GRM1: variants seen among roughly 807,000 people sequenced by gnomAD.
The protein encoded by GRM1 is glutamate metabotropic receptor 1, also known as metabotropic glutamate receptor 1.
A neutral mutation model predicts 90.9 loss-of-function variants in GRM1; 33 were observed. That is an observed-to-expected ratio of 0.36 (90% CI 0.28 to 0.49). The LOEUF is 0.49. GRM1 is among the 20% of genes least tolerant of loss of function. The pLI, the probability that GRM1 is intolerant of heterozygous loss-of-function variation, is 0.99. For missense variants in GRM1, 1,190 were observed against 1,534.3 expected, an observed-to-expected ratio of 0.78 and a Z score of 3.75; for synonymous variants, 700 against 613.2, an observed-to-expected ratio of 1.14 and a Z score of -2.09.
At chr6:146,125,466 C>T (rs1776162502) in intron 1 of GRM1, among the ~76,000 whole-genome samples, 1 of 150,862 alleles carries the variant, frequency 6.6e-6, no homozygotes. Context: ...TTTCTCTGCC[C>T]CCCCCTCAAC....
chr6:146,385,418 A>AAT (rs529886385), intron 5 of GRM1, among the ~76,000 whole-genome samples: 7 of 151,990 alleles, frequency 4.6e-5, no homozygotes, highest in Non-Finnish European at 4.4e-5. Flanking sequence ...GCTGAAATAG[A>AAT]ATATATATAT....
intron 1 of GRM1, among the ~76,000 whole-genome samples, chr6:146,060,297 T>C (rs572204870): frequency 2.0e-4 from 31 of 152,138 alleles, no homozygotes; most frequent in African/African-American, 5.8e-4. Context: ...GTTTATTATA[T>C]AGGTAAATGG....
intron 1 of GRM1, among the ~76,000 whole-genome samples, chr6:146,123,828 C>T (rs1776096342): frequency 1.3e-5 from 2 of 152,156 alleles, no homozygotes; most frequent in African/African-American, 4.8e-5. Flanking sequence ...GCATCCTTCC[C>T]AGGTTTCTAG....
chr6:146,084,423 T>G (rs1252938659), intron 1 of GRM1, among the ~76,000 whole-genome samples: 1 of 152,152 alleles, frequency 6.6e-6, no homozygotes, highest in African/African-American at 2.4e-5. Flanking sequence ...TCCCAGAGAT[T>G]CTGGTATGTT....
intron 2 of GRM1, among the ~76,000 whole-genome samples, chr6:146,165,868 A>G (rs1777886167): frequency 6.6e-6 from 1 of 152,112 alleles, no homozygotes; most frequent in South Asian, 2.1e-4. Context: ...AGGTTGATTT[A>G]CCTTAAAGTT....
intron 7 of GRM1, among the ~76,000 whole-genome samples, chr6:146,412,690 A>T (rs1251983992): frequency 6.6e-6 from 1 of 152,160 alleles, no homozygotes; most frequent in Non-Finnish European, 1.5e-5. Flanking sequence ...TCTATATTTC[A>T]TTTCTCCCAC....
chr6:146,108,994 C>T (rs1414814713), intron 1 of GRM1, among the ~76,000 whole-genome samples: 1 of 152,094 alleles, frequency 6.6e-6, no homozygotes, highest in Non-Finnish European at 1.5e-5. Context: ...CAAGAGGTGA[C>T]TTGGGTGCTG....
intron 1 of GRM1, among the ~76,000 whole-genome samples, chr6:146,040,510 T>C (rs1356939612): frequency 1.3e-5 from 2 of 152,010 alleles, no homozygotes; most frequent in Admixed American, 6.6e-5. Flanking sequence ...ATCTCTTTTT[T>C]ATGTTTGAAA....
chr6:146,102,093 G>T (rs971774897), intron 1 of GRM1, among the ~76,000 whole-genome samples: 2 of 152,088 alleles, frequency 1.3e-5, no homozygotes, highest in African/African-American at 4.8e-5. Context: ...TAAATCCACA[G>T]ATCTCGCTCG....
chr6:146,396,533 A>T (rs1166714382), intron 6 of GRM1, among the ~76,000 whole-genome samples: 1 of 152,206 alleles, frequency 6.6e-6, no homozygotes, highest in Non-Finnish European at 1.5e-5. Context: ...TTAGGCTTAC[A>T]TGTTCCTCTA....
At chr6:146,245,380 T>C (rs1376430398) in intron 2 of GRM1, among the ~76,000 whole-genome samples, 1 of 152,188 alleles carries the variant, frequency 6.6e-6, no homozygotes, top group East Asian at 1.9e-4. Flanking sequence ...ACATTAGGCA[T>C]GAAATTGATG....
intron 2 of GRM1, among the ~76,000 whole-genome samples, chr6:146,176,177 C>A (rs1466297488): frequency 6.6e-6 from 1 of 151,960 alleles, no homozygotes; most frequent in East Asian, 1.9e-4. Flanking sequence ...ACAATGAATT[C>A]TCAGTAAATG....
At chr6:146,401,578 A>T (rs562642576) in intron 7 of GRM1, among the ~76,000 whole-genome samples, 67 of 152,206 alleles carry the variant, frequency 4.4e-4, no homozygotes, top group African/African-American at 1.6e-3. Flanking sequence ...ACTTTATTGC[A>T]ACACCTATGG....
chr6:146,315,383 C>T (rs1783931522), intron 3 of GRM1, among the ~76,000 whole-genome samples: 1 of 151,976 alleles, frequency 6.6e-6, no homozygotes, highest in South Asian at 2.1e-4. Context: ...TGAGAATCTG[C>T]CTCTTAAAAA....
chr6:146,327,738 G>A (rs1160579782), intron 3 of GRM1, among the ~76,000 whole-genome samples: 4 of 152,064 alleles, frequency 2.6e-5, no homozygotes, highest in African/African-American at 7.2e-5. Flanking sequence ...CTCTTCTCCA[G>A]GCTTCCGGAA....
chr6:146,188,132 A>T (rs1778801556), intron 2 of GRM1, among the ~76,000 whole-genome samples: 1 of 152,164 alleles, frequency 6.6e-6, no homozygotes. Flanking sequence ...ATTAATGGGA[A>T]TCTCAAAAAC....
rs1340845279 is a variant in GRM1, at chr6:146,435,613, G to T, written c.*817G>T. The T allele has an allele frequency of 6.6e-6, 1 of 152,390 alleles. No homozygotes were observed. Among genetic ancestry groups the T allele is most frequent in the Non-Finnish European group, 1.5e-5 (1 of 68,008 alleles). The allele number at this position is 152,390 out of a possible 1,614,324, so 9.4% of individuals were successfully genotyped here. A position where few individuals can be genotyped will look rare whatever the true frequency, so the allele number is the denominator to read the frequency against. ...TAGAAATAGAACAATCCATCAGCAT[G>T]AGACTTTGAAAAAAAAACACATGAT... is the stretch of plus-strand genomic sequence containing the variant. On this transcript the variant is annotated 3_prime_UTR_variant, in exon 8 of 8. Transcript: ENST00000282753.
At chr6:146,036,842 TATAA>T (rs1446851709) in intron 1 of GRM1, among the ~76,000 whole-genome samples, 1 of 151,942 alleles carries the variant, frequency 6.6e-6, no homozygotes, top group Non-Finnish European at 1.5e-5. Context: ...TAAAGACATT[TATAA>T]ATAAACACGT....
At chr6:146,131,190 T>C (rs1350459818) in intron 1 of GRM1, among the ~76,000 whole-genome samples, 1 of 152,206 alleles carries the variant, frequency 6.6e-6, no homozygotes, top group Non-Finnish European at 1.5e-5. Context: ...ATTTCATTGA[T>C]TATGTCATTG....
Sources: allele counts gnomAD v4.1 joint callset (sites outside exome capture counted in the v4.1 genomes callset), GRCh38; gene constraint gnomAD v4.1.1; transcripts MANE v1.5; gene names NCBI Gene and HGNC (gene_info 2026-07-23, HGNC 2026-07-21).